The following DIS3L2 variants were observed in gnomAD, a reference collection of about 807,000 sequenced individuals.
DIS3L2 encodes the protein DIS3 like 3'-5' exoribonuclease 2, also known as DIS3-like exonuclease 2.
DIS3L2 carries 34 observed loss-of-function variants against 97.5 expected under a neutral mutation model. That is an observed-to-expected ratio of 0.35 (90% confidence interval 0.27 to 0.46). The LOEUF is 0.46. Ranked by LOEUF, DIS3L2 falls within the 20% of genes least tolerant of loss-of-function variation. DIS3L2 has a pLI of 1.00. For synonymous variants in DIS3L2, 435 were observed against 445.2 expected (o/e 0.98, Z 0.29); for missense variants, 1,038 against 1,146.0 (o/e 0.91, Z 1.36).
At chr2:232,188,923 C>T (rs1036517321) in intron 9 of DIS3L2, among the ~76,000 whole-genome samples, 1 of 152,132 alleles carries the variant, frequency 6.6e-6, no homozygotes, top group East Asian at 1.9e-4. Context: ...AGAAGACATA[C>T]ACTGAAGAGG....
chr2:232,278,699 T>G (rs899246565), intron 13 of DIS3L2, among the ~76,000 whole-genome samples: 1 of 152,228 alleles, frequency 6.6e-6, no homozygotes, highest in African/African-American at 2.4e-5. Flanking sequence ...TACCACAGTT[T>G]GTTTATCCAC....
rs1553606035 is a variant in DIS3L2 at position 232,086,659 on chromosome 2, A to ATATGTG, written c.367-827_367-826insATGTGT. Among the ~76,000 whole-genome samples, 68 of 92,510 alleles carry ATATGTG rather than the reference A, an allele frequency of 7.4e-4. 4 individuals are homozygous for ATATGTG. The Middle Eastern group carries it at 0.02, about 27-fold the overall frequency. 60.7% of individuals were successfully genotyped at this position (92,510 alleles called of 152,430 possible). ...TATATATATATGTATATATATATATATGTGTGTGTGTGTGTGTGTATATAT... is the reference window on the plus strand; with the variant it reads ...TATATATATATGTATATATATATATATATGTGTGTGTGTGTGTGTGTGTGTATATAT... On this transcript the variant is annotated intron_variant, in intron 5 of 20. Transcript: ENST00000325385.
chr2:232,334,138 ACT>A, intron 17 of DIS3L2, 151 bp downstream of exon 17: 5 of 1,350,842 alleles, frequency 3.7e-6, no homozygotes, highest in African/African-American at 2.9e-5. Context: ...TGGCCTGGAA[ACT>A]CTCCCTACGG....
intron 8 of DIS3L2, among the ~76,000 whole-genome samples, chr2:232,156,673 G>A (rs942504270): frequency 7.2e-5 from 11 of 152,068 alleles, no homozygotes; most frequent in African/African-American, 2.4e-4. Context: ...ATTTAGGTCC[G>A]TATTGTATCC....
At chr2:231,975,801 A>T (rs528899028) in intron 1 of DIS3L2, among the ~76,000 whole-genome samples, 11 of 150,402 alleles carry the variant, frequency 7.3e-5, no homozygotes, top group East Asian at 3.9e-4. Context: ...GAGGAGAGGG[A>T]TGTGGTTAGA....
At position 232,249,351 on chromosome 2, in the gene DIS3L2, C is replaced by G. The variant is rs754201134; in HGVS notation, c.1425+5C>G. ...ACACTGACTCCAGAGGGCAAGGTAA[C>G]AACTTACACGTTTTCTTTCTCCACT... On this transcript the variant is annotated splice_donor_5th_base_variant and intron_variant, in intron 12 of 20. Transcript: ENST00000325385. 2 of 1,613,714 alleles carry G rather than the reference C, an allele frequency of 1.2e-6. No individual in the cohort carries two copies. Among genetic ancestry groups the G allele is most frequent in the Non-Finnish European group, 1.7e-6 (2 of 1,179,734 alleles).
chr2:232,232,124 A>C (rs1692808530), intron 10 of DIS3L2, among the ~76,000 whole-genome samples: 2 of 152,192 alleles, frequency 1.3e-5, no homozygotes, highest in Non-Finnish European at 2.9e-5. Context: ...CAAAACATGC[A>C]CAGAGCAGAC....
chr2:232,329,804 C>A lies in DIS3L2; in HGVS notation c.1740-9C>A. ...CAGCGGTCCCTCCCATCCCACCCACCCTCTGCAGGCTCGTGGAGGAGTTCA... is the reference window on the plus strand; with the variant it reads ...CAGCGGTCCCTCCCATCCCACCCACACTCTGCAGGCTCGTGGAGGAGTTCA... On this transcript the variant is annotated splice_polypyrimidine_tract_variant and intron_variant, in intron 14 of 20. Transcript: ENST00000325385. The A allele has an allele frequency of 1.4e-6, 2 of 1,409,688 alleles. No homozygotes were observed. Among genetic ancestry groups the A allele is most frequent in the Admixed American group, 2.7e-5 (1 of 36,554 alleles). 87.3% of individuals were successfully genotyped at this position (1,409,688 alleles called of 1,614,324 possible).
intron 14 of DIS3L2, among the ~76,000 whole-genome samples, chr2:232,314,028 G>C (rs1695205263): frequency 1.3e-5 from 2 of 152,184 alleles, no homozygotes; most frequent in African/African-American, 2.4e-5. Flanking sequence ...GATGAGATTT[G>C]GGTGGGGACA....
chr2:232,042,333 ACCC>A (rs1240962390), intron 5 of DIS3L2, among the ~76,000 whole-genome samples: 1 of 151,708 alleles, frequency 6.6e-6, no homozygotes, highest in Non-Finnish European at 1.5e-5. Flanking sequence ...TTAAATGTGC[ACCC>A]ATCATACTAG....
intron 6 of DIS3L2, among the ~76,000 whole-genome samples, chr2:232,115,115 A>C (rs1697663621): frequency 6.6e-6 from 1 of 152,138 alleles, no homozygotes; most frequent in Non-Finnish European, 1.5e-5. Context: ...AGCCCTCCTG[A>C]TCCAATCACC....
At chr2:232,029,882 C>A in intron 4 of DIS3L2, 97 bp from the exon 5 acceptor site, 2 of 834,528 alleles carry the variant, frequency 2.4e-6, no homozygotes, top group East Asian at 2.6e-5. Context: ...CTAAGAATAA[C>A]TTGCTGTTTT....
intron 7 of DIS3L2, 67 bp from the exon 8 acceptor site, chr2:232,136,405 T>C (rs1698359327): frequency 3.8e-6 from 6 of 1,579,472 alleles, no homozygotes; most frequent in Non-Finnish European, 5.2e-6. Flanking sequence ...TATAACCTGC[T>C]GACCTCTCCC....
chr2:231,970,824 T>TCA (rs1559503240), intron 1 of DIS3L2, among the ~76,000 whole-genome samples: 56 of 101,534 alleles, frequency 5.5e-4, no homozygotes, highest in African/African-American at 3.3e-3. Flanking sequence ...CTTTAATTTT[T>TCA]TATATTTTGA....
chr2:232,024,510 C>T (rs1694606100), intron 4 of DIS3L2, among the ~76,000 whole-genome samples, 180 bp downstream of exon 4: 1 of 152,172 alleles, frequency 6.6e-6, no homozygotes, highest in Non-Finnish European at 1.5e-5. Context: ...CCCCTTCTGT[C>T]AGTCTTAAAA....
intron 9 of DIS3L2, among the ~76,000 whole-genome samples, chr2:232,169,762 T>C (rs3103295): frequency 0.55 from 83,290 of 151,998 alleles, 24,455 homozygotes; most frequent in East Asian, 0.69. Context: ...CATACCCGTT[T>C]AGGTTTGGTA....
At chr2:232,175,401 A>G (rs981902635) in intron 9 of DIS3L2, among the ~76,000 whole-genome samples, 5 of 152,090 alleles carry the variant, frequency 3.3e-5, no homozygotes, top group Non-Finnish European at 5.9e-5. Context: ...TTACATTGCT[A>G]GATTTGGTTT....
intron 10 of DIS3L2, among the ~76,000 whole-genome samples, chr2:232,237,533 T>TA (rs1383752253): frequency 6.6e-6 from 1 of 152,144 alleles, no homozygotes; most frequent in Non-Finnish European, 1.5e-5. Flanking sequence ...TGCTGGAGCT[T>TA]ACATGGTAGG....
At chr2:232,048,458 C>A (rs140320469) in intron 5 of DIS3L2, among the ~76,000 whole-genome samples, 1 of 152,070 alleles carries the variant, frequency 6.6e-6, no homozygotes, top group African/African-American at 2.4e-5. Context: ...GTAGGCCGGG[C>A]GCGGTGGCTC....
Sources: allele counts gnomAD v4.1 joint callset (sites outside exome capture counted in the v4.1 genomes callset), GRCh38; gene constraint gnomAD v4.1.1; transcripts MANE v1.5; gene names NCBI Gene and HGNC (gene_info 2026-07-23, HGNC 2026-07-21).